PAK3: variants seen among roughly 807,000 people sequenced by gnomAD.
PAK3 encodes the protein p21 (RAC1) activated kinase 3.
Under a neutral mutation model 41.0 loss-of-function variants are expected in PAK3, and 4 were observed. The observed-to-expected ratio is 0.10, with a 90% confidence interval of 0.05 to 0.22. PAK3 has a LOEUF of 0.22. Ranked by LOEUF, PAK3 falls within the 10% of genes least tolerant of loss-of-function variation. The probability of loss-of-function intolerance (pLI) is 1.00; values close to 1 mark genes in which losing one functional copy is unlikely to be tolerated. For missense variants in PAK3, 205 were observed against 409.9 expected (o/e 0.50, Z 4.32); for synonymous variants, 146 against 139.6 (o/e 1.05, Z -0.32).
At chrX:111,152,547 A>T (rs1002624128) in intron 8 of PAK3, 100 bp downstream of exon 8, 36 of 599,448 alleles carry the variant, frequency 6.0e-5, no homozygotes, top group Non-Finnish European at 9.5e-5. Flanking sequence ...AAGTCTTTTA[A>T]AAACAATTTT....
chrX:111,154,459 G>A (rs2094074918), intron 8 of PAK3, among the ~76,000 whole-genome samples: 1 of 111,384 alleles, frequency 9.0e-6, no homozygotes, highest in East Asian at 2.8e-4. Context: ...AATAAAAATA[G>A]TACTTACCTC....
chrX:111,178,437 G>C (rs2094429440), intron 11 of PAK3, among the ~76,000 whole-genome samples: 1 of 111,624 alleles, frequency 9.0e-6, no homozygotes, highest in Admixed American at 9.5e-5. Flanking sequence ...ACTCAGGGCT[G>C]TAGAAAAATT....
At chrX:111,098,519 C>T (rs1426540354) in intron 3 of PAK3, 6 of 111,039 alleles carry the variant, frequency 5.4e-5, no homozygotes, top group Non-Finnish European at 1.1e-4. Flanking sequence ...AAGGATGATT[C>T]TAGATATTTA....
intron 10 of PAK3, among the ~76,000 whole-genome samples, chrX:111,164,929 G>C (rs2094236578): frequency 9.0e-6 from 1 of 111,547 alleles, no homozygotes; most frequent in African/African-American, 3.3e-5. Flanking sequence ...ATAGGCCACA[G>C]GGAGGCTCTG....
rs996494712 is a variant in PAK3 at position 111,084,188 on chromosome X, G to A, written c.-27-38889G>A. On this transcript the variant is annotated intron_variant, in intron 1 of 14. Transcript: ENST00000425146. ...ATGTGTTCATGGAATATCCACAGGG[G>A]GCCATACAATGTTTGTCCTATTTTT... Among the ~76,000 whole-genome samples, 9 of 111,931 alleles carry A rather than the reference G, an allele frequency of 8.0e-5. 1 individual carries two copies. Among genetic ancestry groups the A allele is most frequent in the Admixed American group, 5.7e-4 (6 of 10,589 alleles).
Position 111,220,442 on chromosome X carries a change from C to T in PAK3, c.1630C>T (p.Arg544Cys). ...AAKEAIKNSSR is the reference protein window; with the variant it reads ...AAKEAIKNSSC ...AAAGGAAGCAATTAAGAACAGCAGCCGCTAAGACTGCAAGCCTTACACCTC... is the reference window on the plus strand; with the variant it reads ...AAAGGAAGCAATTAAGAACAGCAGCTGCTAAGACTGCAAGCCTTACACCTC... The change falls in exon 18 of 18, where the codon CGC (arginine) becomes TGC (cysteine). Residue 544 changes from arginine to cysteine, a missense_variant. Arg to Cys is a radical substitution (Grantham distance 180). Transcript: ENST00000372007. The T allele has an allele frequency of 2.6e-6, 3 of 1,155,488 alleles. No individual in the cohort carries two copies. The highest frequency in any genetic ancestry group is 3.6e-5 in the South Asian group (2 of 54,950).
chrX:111,198,027 C>T (rs772771433), intron 16 of PAK3, among the ~76,000 whole-genome samples: 3 of 112,009 alleles, frequency 2.7e-5, no homozygotes, highest in Non-Finnish European at 5.6e-5. Flanking sequence ...ACCATTCTGA[C>T]TGGTGTAAGA....
chrX:110,950,232 C>T (rs1488591485), intron 1 of PAK3, among the ~76,000 whole-genome samples: 1 of 111,826 alleles, frequency 8.9e-6, no homozygotes, highest in African/African-American at 3.2e-5. Context: ...ACTGATCCCC[C>T]ACCATGTTCA....
rs2090811531 is a variant in PAK3, at chrX:110,954,441, T to C, written c.-28+9813T>C. Among the ~76,000 whole-genome samples, 3 of 112,288 alleles carry C rather than the reference T, an allele frequency of 2.7e-5. No homozygotes were observed. The South Asian group carries it at 1.1e-3, about 42-fold the overall frequency. On this transcript the variant is annotated intron_variant, in intron 1 of 14. Coordinates refer to the PAK3 transcript ENST00000425146. ...TAAGGCTCAGAGCAGCTAAGTGATT[T>C]GCACAAGTTCACTCAGATGGTGAGC...
At chrX:111,193,787 A>C (rs971391901) in intron 13 of PAK3, among the ~76,000 whole-genome samples, 7 of 111,791 alleles carry the variant, frequency 6.3e-5, no homozygotes, top group African/African-American at 9.8e-5. Context: ...ACAAAAAAAA[A>C]CAAAAAAAAC....
At chrX:111,036,609 A>G (rs2092401847) in intron 1 of PAK3, among the ~76,000 whole-genome samples, 1 of 112,164 alleles carries the variant, frequency 8.9e-6, no homozygotes, top group Non-Finnish European at 1.9e-5. Flanking sequence ...CCTGCTCTTG[A>G]CATGTGGAGA....
chrX:111,145,451 G>A (rs1296683356), intron 6 of PAK3, among the ~76,000 whole-genome samples: 1 of 111,983 alleles, frequency 8.9e-6, no homozygotes, highest in Non-Finnish European at 1.9e-5. Flanking sequence ...TGCCAGTAAT[G>A]TCTGCTCTAG....
At chrX:111,087,579 C>G (rs947503431) in intron 1 of PAK3, among the ~76,000 whole-genome samples, 4 of 110,239 alleles carry the variant, frequency 3.6e-5, no homozygotes, top group African/African-American at 1.3e-4. Flanking sequence ...CTTGAGACCA[C>G]TTAATTTGAA....
At chrX:111,185,510 A>C (rs1206294141) in intron 11 of PAK3, among the ~76,000 whole-genome samples, 1 of 111,329 alleles carries the variant, frequency 9.0e-6, no homozygotes, top group Non-Finnish European at 1.9e-5. Flanking sequence ...GTTTTCTTCT[A>C]GGGTTTTTTA....
intron 17 of PAK3, chrX:111,217,495 T>C: frequency 1.1e-5 from 11 of 967,551 alleles, no homozygotes; most frequent in Non-Finnish European, 1.5e-5. Flanking sequence ...AGATTGTCTG[T>C]TCTAGCCTAC....
chrX:111,065,404 C>T (rs921126127), intron 1 of PAK3, among the ~76,000 whole-genome samples: 4 of 110,444 alleles, frequency 3.6e-5, no homozygotes, highest in Non-Finnish European at 7.6e-5. Flanking sequence ...AGGAATTAAG[C>T]CTATTTAAAT....
chrX:111,080,111 C>T (rs753971309), intron 1 of PAK3, among the ~76,000 whole-genome samples: 1 of 112,397 alleles, frequency 8.9e-6, no homozygotes, highest in South Asian at 3.7e-4. Context: ...TGGGATATTA[C>T]ATGAACTTAG....
At chrX:111,070,186 T>C (rs1467324892) in intron 1 of PAK3, among the ~76,000 whole-genome samples, 1 of 111,357 alleles carries the variant, frequency 9.0e-6, no homozygotes, top group East Asian at 2.8e-4. Context: ...GGTAGGGTAG[T>C]TGCACCAACC....
intron 1 of PAK3, among the ~76,000 whole-genome samples, chrX:110,979,180 T>C (rs1414955621): frequency 9.0e-6 from 1 of 111,159 alleles, no homozygotes; most frequent in Admixed American, 9.6e-5. Context: ...CATTCAGATG[T>C]TGGTAATTTG....
Sources: allele counts gnomAD v4.1 joint callset (sites outside exome capture counted in the v4.1 genomes callset), GRCh38; gene constraint gnomAD v4.1.1; transcripts MANE v1.5; gene names NCBI Gene and HGNC (gene_info 2026-07-23, HGNC 2026-07-21).